Variants in DLGAP1 observed in about 807,000 individuals in gnomAD.
The protein encoded by DLGAP1 is disks large-associated protein 1.
A neutral mutation model predicts 90.8 loss-of-function variants in DLGAP1; 11 were observed. That is an observed-to-expected ratio of 0.12 (90% CI 0.08 to 0.20). The LOEUF (loss-of-function observed/expected upper bound fraction) is 0.20. Among genes scored for constraint, DLGAP1 ranks in the 10% least tolerant of loss-of-function variants. The pLI is 1.00. For synonymous variants in DLGAP1, 558 were observed against 540.7 expected, an observed-to-expected ratio of 1.03 and a Z score of -0.44; for missense variants, 1,050 against 1,333.8, an observed-to-expected ratio of 0.79 and a Z score of 3.31.
chr18:4,298,771 TAAAA>T (rs35138786), intron 1 of DLGAP1, among the ~76,000 whole-genome samples: 1 of 96,560 alleles, frequency 1.0e-5, no homozygotes, highest in Non-Finnish European at 2.3e-5. Flanking sequence ...TTTAAATAAA[TAAAA>T]AAAAAAAAGC....
intron 7 of DLGAP1, among the ~76,000 whole-genome samples, chr18:3,652,014 G>A (rs897314857): frequency 1.4e-5 from 2 of 143,880 alleles, no homozygotes; most frequent in Admixed American, 1.4e-4. Flanking sequence ...AAAAGCAAAA[G>A]TTAGCCGGGC....
rs1309324471 is a variant in DLGAP1, at chr18:3,879,744, G to A, written c.325C>T (p.Arg109Trp). The change falls in exon 4 of 13, where the codon CGG becomes TGG. Residue 109 changes from arginine to tryptophan, a missense_variant. Around this residue, in one of 2 missense-constraint regions of DLGAP1, gnomAD observed 485 missense variants for 454.1 expected, o/e 1.07. Transcript: ENST00000315677. The surrounding 1 kb of genome is among the most constrained non-coding windows in gnomAD (Gnocchi z 6.6). ...CCATCGCGGCTGAGTGGCAGCTGCC[G>A]CTCGAACTGGTCCAGCAGGTTGGCG... is the stretch of plus-strand genomic sequence containing the variant. Reference protein sequence around the residue: ...IPANLLDQFERQLPLSRDGYH... With the variant: ...IPANLLDQFEWQLPLSRDGYH... The A allele has an allele frequency of 6.8e-6, 11 of 1,607,908 alleles. No individual in the cohort carries two copies. The highest frequency in any genetic ancestry group is 1.6e-4 in the Middle Eastern group (1 of 6,082).
At chr18:4,152,170 G>A (rs1265023721) in intron 1 of DLGAP1, among the ~76,000 whole-genome samples, 4 of 152,094 alleles carry the variant, frequency 2.6e-5, no homozygotes, top group African/African-American at 9.7e-5. Flanking sequence ...GTCGAAAAGT[G>A]TAAATACCTG....
At chr18:4,359,876 T>C (rs2081596255) in intron 1 of DLGAP1, among the ~76,000 whole-genome samples, 1 of 152,088 alleles carries the variant, frequency 6.6e-6, no homozygotes, top group African/African-American at 2.4e-5. Flanking sequence ...TATTTGAAAG[T>C]TGGAGGGAAG....
At chr18:4,452,095 T>G (rs987389889) in intron 1 of DLGAP1, among the ~76,000 whole-genome samples, 4 of 152,164 alleles carry the variant, frequency 2.6e-5, no homozygotes, top group African/African-American at 7.2e-5. Flanking sequence ...TCTATAGAGA[T>G]GAAATCTACA....
chr18:3,694,552 C>T (rs938842678), intron 7 of DLGAP1, among the ~76,000 whole-genome samples: 1 of 152,192 alleles, frequency 6.6e-6, no homozygotes, highest in Non-Finnish European at 1.5e-5. Context: ...TATGTTGTTT[C>T]CTGACTTTTT....
At chr18:4,059,780 G>A (rs75944317) in intron 2 of DLGAP1, among the ~76,000 whole-genome samples, 8,587 of 152,096 alleles carry the variant, frequency 0.056, 403 homozygotes, top group East Asian at 0.24. Flanking sequence ...CTTAGAACTC[G>A]TGCCCTTAGA....
chr18:4,200,240 A>G (rs191855011), intron 1 of DLGAP1, among the ~76,000 whole-genome samples: 132 of 152,250 alleles, frequency 8.7e-4, no homozygotes, highest in Admixed American at 1.6e-3. Context: ...CAAATTATAC[A>G]GAATTAAAAT....
chr18:4,197,201 A>G (rs1473142620), intron 1 of DLGAP1, among the ~76,000 whole-genome samples: 3 of 149,644 alleles, frequency 2.0e-5, no homozygotes, highest in East Asian at 3.9e-4. Context: ...AAAAAAAAAA[A>G]AAAAAAAGAA....
intron 1 of DLGAP1, among the ~76,000 whole-genome samples, chr18:4,448,128 C>A (rs1192306943): frequency 6.6e-6 from 1 of 152,134 alleles, no homozygotes; most frequent in Non-Finnish European, 1.5e-5. Flanking sequence ...TCTTACAAAT[C>A]CATGAAAATC....
chr18:3,574,037 T>C (rs1479347443), intron 8 of DLGAP1, among the ~76,000 whole-genome samples: 1 of 152,250 alleles, frequency 6.6e-6, no homozygotes, highest in Non-Finnish European at 1.5e-5. Context: ...CTTGCATCGG[T>C]ATTAGTAATA....
intron 2 of DLGAP1, among the ~76,000 whole-genome samples, chr18:4,050,778 G>A (rs1365498827): frequency 6.6e-6 from 1 of 152,222 alleles, no homozygotes; most frequent in East Asian, 1.9e-4. Context: ...AAGTGGGGAG[G>A]TAGAAAGATG....
At position 3,663,792 on chromosome 18, in the gene DLGAP1, T is replaced by G. The variant is rs570949335; in HGVS notation, c.1591+65343A>C. On this transcript the variant is annotated intron_variant, in intron 7 of 12. Coordinates refer to ENST00000315677, the MANE Select transcript of DLGAP1 (RefSeq NM_004746.4). ...GCCCAACTGTGATGGTTAGTTTGTG[T>G]GTCAACTTGACTGGGCCATGAGGTG... Among the ~76,000 whole-genome samples, 4 of 152,370 alleles carry G rather than the reference T, an allele frequency of 2.6e-5. No homozygotes were observed. In the South Asian group the frequency reaches 8.3e-4, roughly 32 times the overall value.
At chr18:3,698,807 T>C (rs561144545) in intron 7 of DLGAP1, among the ~76,000 whole-genome samples, 4 of 152,298 alleles carry the variant, frequency 2.6e-5, no homozygotes, top group South Asian at 2.1e-4. Context: ...TCTTTTCACA[T>C]AGTCCCATAT....
intron 3 of DLGAP1, 49 bp from the exon 4 acceptor site, chr18:3,880,189 T>G (rs1255443898): frequency 3.3e-6 from 3 of 900,536 alleles, no homozygotes; most frequent in Non-Finnish European, 5.1e-6. Flanking sequence ...CTCTTGGAAA[T>G]TAGGTATTGC....
In DLGAP1 at chr18:4,139,150, C is replaced by A. The variant is rs142247262; in HGVS notation, c.-159+12030G>T. ...ATTTCTGCTTTGATCTTTATTATTT[C>A]TTTTCTTATACTAATCTTGGGTTTG... is the stretch of plus-strand genomic sequence containing the variant. On this transcript the variant is annotated intron_variant, in intron 2 of 12. Coordinates refer to ENST00000315677, the MANE Select transcript of DLGAP1 (RefSeq NM_004746.4). 5.7e-4 allele frequency among the ~76,000 whole-genome samples: 86 copies of A among 151,538 alleles called. No homozygotes were observed. In the Middle Eastern group the frequency reaches 0.01, roughly 18 times the overall value.
At chr18:3,892,357 A>G (rs1387927614) in intron 3 of DLGAP1, among the ~76,000 whole-genome samples, 1 of 151,972 alleles carries the variant, frequency 6.6e-6, no homozygotes, top group African/African-American at 2.4e-5. Context: ...TCCCCACCCC[A>G]TACCCCACAC....
chr18:4,197,119 G>C (rs1161752127), intron 1 of DLGAP1, among the ~76,000 whole-genome samples: 1 of 148,458 alleles, frequency 6.7e-6, no homozygotes, highest in South Asian at 2.1e-4. Context: ...GTTGCAGTGA[G>C]CTGAGATCGT....
intron 1 of DLGAP1, among the ~76,000 whole-genome samples, chr18:4,327,592 A>G (rs1423094171): frequency 6.6e-6 from 1 of 152,100 alleles, no homozygotes. Context: ...CATGTTGCAC[A>G]CAATAAAATT....
Sources: gnomAD v4.1 joint callset for allele counts (sites outside exome capture counted in the v4.1 genomes callset) on GRCh38, gnomAD v4.1.1 for gene constraint, gnomAD v4.1.1 regional missense constraint, Gnocchi (gnomAD v3.1) non-coding constraint, MANE v1.5 for transcripts, NCBI Gene and HGNC (gene_info 2026-07-23, HGNC 2026-07-21) for gene names.